Variants in ERCC6L2 observed in about 807,000 individuals in gnomAD.
ERCC6L2 encodes the protein ERCC excision repair 6 like 2.
In ERCC6L2, 77 loss-of-function variants were observed where a neutral mutation model predicts 132.0. The observed-to-expected ratio is 0.58, with a 90% CI of 0.49 to 0.71. The LOEUF (loss-of-function observed/expected upper bound fraction) is 0.71. Among genes scored for constraint, ERCC6L2 ranks in the 30% least tolerant of loss-of-function variants. The pLI is 0.00. For synonymous variants in ERCC6L2, 583 were observed against 632.4 expected, an observed-to-expected ratio of 0.92 and a Z score of 1.17; for missense variants, 1,542 against 1,837.6, an observed-to-expected ratio of 0.84 and a Z score of 2.94.
intron 7 of ERCC6L2, 115 bp downstream of exon 7, chr9:95,921,430 C>T: frequency 1.4e-6 from 1 of 720,424 alleles, no homozygotes; most frequent in Non-Finnish European, 2.0e-6. Flanking sequence ...TTCTTTAAAG[C>T]TATGTCTTAA....
intron 17 of ERCC6L2, among the ~76,000 whole-genome samples, chr9:95,978,852 A>G (rs1832779104): frequency 6.6e-6 from 1 of 152,166 alleles, no homozygotes; most frequent in African/African-American, 2.4e-5. Flanking sequence ...GCAAGAGTTC[A>G]GAATGCATAC....
chr9:96,007,292 G>A (rs1367635399), intron 18 of ERCC6L2, among the ~76,000 whole-genome samples: 1 of 152,232 alleles, frequency 6.6e-6, no homozygotes. Flanking sequence ...AAACTTGGGA[G>A]TAGGGGCTAA....
At chr9:95,966,075 AAC>A (rs1278105074) in intron 13 of ERCC6L2, among the ~76,000 whole-genome samples, 2 of 152,152 alleles carry the variant, frequency 1.3e-5, no homozygotes, top group African/African-American at 4.8e-5. Flanking sequence ...TGTTTCTTAA[AAC>A]AGTGATAGGG....
intron 11 of ERCC6L2, among the ~76,000 whole-genome samples, chr9:95,936,860 GTAAAGGGAGTCA>G (rs1830577478): frequency 6.6e-6 from 1 of 152,156 alleles, no homozygotes; most frequent in Non-Finnish European, 1.5e-5. Context: ...AGAATGTTAT[GTAAAGGGAGTCA>G]TAAAGTATGT....
At chr9:95,971,023 A>T (rs1261020333) in intron 15 of ERCC6L2, among the ~76,000 whole-genome samples, 1 of 152,182 alleles carries the variant, frequency 6.6e-6, no homozygotes, top group Non-Finnish European at 1.5e-5. Flanking sequence ...AAATATCAAA[A>T]TTATTCTCTA....
intron 4 of ERCC6L2, among the ~76,000 whole-genome samples, chr9:95,913,951 G>A (rs191736172): frequency 6.6e-6 from 1 of 152,270 alleles, no homozygotes; most frequent in African/African-American, 2.4e-5. Context: ...CAAATTTGCT[G>A]CTGTGAACAT....
At position 95,915,673 on chromosome 9, in the gene ERCC6L2, A is replaced by C; in HGVS notation, c.794A>C (p.Glu265Ala). ...TCTTTTTTCTTACTTTATAGTTTGG[A>C]ATGGTCAGCTGTCATTGTGGATGAA... ...RLCLDELNSLEWSAVIVDEAH... is the reference protein window; with the variant it reads ...RLCLDELNSLAWSAVIVDEAH... The change falls in exon 5 of 19, where the codon GAA becomes GCA. Residue 265 changes from glutamate to alanine, a missense_variant. This residue lies in a region of ERCC6L2 where 945 missense variants were observed against 1,105.2 expected (regional missense o/e 0.86). Coordinates refer to ENST00000653738, the MANE Select transcript of ERCC6L2 (RefSeq NM_020207.7). 1.2e-6 allele frequency: 2 copies of C among 1,608,624 alleles called. No homozygotes were observed. Among genetic ancestry groups the C allele is most frequent in the Non-Finnish European group, 1.7e-6 (2 of 1,177,820 alleles).
intron 4 of ERCC6L2, among the ~76,000 whole-genome samples, chr9:95,907,857 C>CACA: frequency 0.028 from 3,726 of 133,786 alleles, 208 homozygotes; most frequent in African/African-American, 0.099. Context: ...ACACACACAC[C>CACA]CCCACACCCA....
At chr9:95,960,795 G>A (rs2133021829) in intron 13 of ERCC6L2, among the ~76,000 whole-genome samples, 1 of 152,214 alleles carries the variant, frequency 6.6e-6, no homozygotes. Context: ...ACCACACCAA[G>A]CCAATTTTTT....
chr9:96,037,058 G>T (rs1040920159), intron 19 of ERCC6L2, among the ~76,000 whole-genome samples: 1 of 152,078 alleles, frequency 6.6e-6, no homozygotes, highest in Non-Finnish European at 1.5e-5. Context: ...GAGCCACTGC[G>T]CCCGGCCCCA....
intron 19 of ERCC6L2, among the ~76,000 whole-genome samples, chr9:96,029,709 C>T (rs1379446271): frequency 1.3e-5 from 2 of 152,230 alleles, no homozygotes; most frequent in Non-Finnish European, 2.9e-5. Context: ...TTTATCTAAA[C>T]ATCTGCACGC....
At chr9:95,932,989 A>G (rs1277319679) in intron 11 of ERCC6L2, among the ~76,000 whole-genome samples, 1 of 152,218 alleles carries the variant, frequency 6.6e-6, no homozygotes, top group Non-Finnish European at 1.5e-5. Context: ...GAATTATCTC[A>G]TCTGCAGAGA....
intron 13 of ERCC6L2, among the ~76,000 whole-genome samples, chr9:95,965,610 A>G (rs1466250166): frequency 1.3e-5 from 2 of 151,978 alleles, no homozygotes; most frequent in South Asian, 2.1e-4. Context: ...GGTTCAAGCA[A>G]TTCTCCTGCC....
At chr9:95,936,826 C>T (rs983511292) in intron 11 of ERCC6L2, among the ~76,000 whole-genome samples, 13 of 152,140 alleles carry the variant, frequency 8.5e-5, no homozygotes, top group South Asian at 2.1e-4. Context: ...TTCTCCATTT[C>T]TGTAATTTAG....
intron 9 of ERCC6L2, among the ~76,000 whole-genome samples, chr9:95,926,099 G>A (rs186245237): frequency 7.4e-4 from 113 of 152,320 alleles, no homozygotes; most frequent in African/African-American, 2.7e-3. Context: ...AAATGTTGGT[G>A]AGGATGTGGA....
intron 16 of ERCC6L2, among the ~76,000 whole-genome samples, chr9:95,977,220 A>G (rs1022040116): frequency 6.6e-6 from 1 of 152,216 alleles, no homozygotes; most frequent in Non-Finnish European, 1.5e-5. Context: ...TGCCATGTAT[A>G]GTACCTGGTA....
At chr9:95,945,635 A>G (rs1375819455) in intron 12 of ERCC6L2, among the ~76,000 whole-genome samples, 1 of 152,222 alleles carries the variant, frequency 6.6e-6, no homozygotes, top group Non-Finnish European at 1.5e-5. Context: ...AATTTGGGGA[A>G]CTAATAAATG....
At chr9:95,977,014 G>T (rs559827003) in intron 16 of ERCC6L2, among the ~76,000 whole-genome samples, 1 of 152,140 alleles carries the variant, frequency 6.6e-6, no homozygotes, top group African/African-American at 2.4e-5. Flanking sequence ...GTGTGCTACA[G>T]TTAGATTTTA....
chr9:95,964,144 T>C (rs929845742), intron 13 of ERCC6L2, among the ~76,000 whole-genome samples: 7 of 152,182 alleles, frequency 4.6e-5, no homozygotes, highest in African/African-American at 1.7e-4. Flanking sequence ...TCTATTTCCA[T>C]TATCCTTCTT....
Sources: allele counts gnomAD v4.1 joint callset (sites outside exome capture counted in the v4.1 genomes callset), GRCh38; gene constraint gnomAD v4.1.1; regional missense constraint gnomAD v4.1.1; transcripts MANE v1.5; gene names NCBI Gene and HGNC (gene_info 2026-07-23, HGNC 2026-07-21).